Variants in LTBP1 observed in about 807,000 individuals in gnomAD.
The protein encoded by LTBP1 is latent-transforming growth factor beta-binding protein 1.
Under a neutral mutation model 207.6 loss-of-function variants are expected in LTBP1, and 129 were observed. The observed-to-expected ratio is 0.62, with a 90% CI of 0.54 to 0.72. The LOEUF (loss-of-function observed/expected upper bound fraction) is 0.72. Ranked by LOEUF, LTBP1 falls within the 30% of genes least tolerant of loss-of-function variation. The pLI is 0.00. For synonymous variants in LTBP1, 963 were observed against 833.7 expected (o/e 1.16, Z -2.67); for missense variants, 2,281 against 2,217.2 (o/e 1.03, Z -0.58).
At chr2:33,005,365 A>G (rs1686691705) in intron 2 of LTBP1, among the ~76,000 whole-genome samples, 1 of 152,156 alleles carries the variant, frequency 6.6e-6, no homozygotes, top group African/African-American at 2.4e-5. Flanking sequence ...TTGGGAGCTT[A>G]GCTGGGGTTG....
At chr2:33,012,432 C>G (rs1573082301) in intron 2 of LTBP1, among the ~76,000 whole-genome samples, 2 of 152,184 alleles carry the variant, frequency 1.3e-5, no homozygotes, top group African/African-American at 4.8e-5. Flanking sequence ...GGAAACAAAC[C>G]ATTTCTAAGA....
chr2:33,005,534 C>G (rs996763363), intron 2 of LTBP1, among the ~76,000 whole-genome samples: 2 of 151,644 alleles, frequency 1.3e-5, no homozygotes, highest in Admixed American at 6.6e-5. Flanking sequence ...TTCTGCATGT[C>G]ACTTTCAGAA....
chr2:33,221,389 C>G (rs2091090015), intron 8 of LTBP1, among the ~76,000 whole-genome samples: 1 of 152,204 alleles, frequency 6.6e-6, no homozygotes, highest in African/African-American at 2.4e-5. Context: ...TTGGCTGCAT[C>G]CGCTATGCCA....
chr2:33,344,107 A>G (rs2094669060), intron 25 of LTBP1, among the ~76,000 whole-genome samples: 1 of 152,234 alleles, frequency 6.6e-6, no homozygotes, highest in Non-Finnish European at 1.5e-5. Flanking sequence ...TGATAATGTC[A>G]CTTAATAACT....
chr2:33,114,253 C>G (rs1308726323), intron 4 of LTBP1, among the ~76,000 whole-genome samples: 2 of 152,184 alleles, frequency 1.3e-5, no homozygotes, highest in Non-Finnish European at 2.9e-5. Flanking sequence ...GATTGGCAAA[C>G]TTTTAGGGAG....
rs867956915 is a variant in LTBP1, at chr2:32,947,036, C to G, written c.-289C>G. 7.9e-6 allele frequency: 2 copies of G among 253,194 alleles called. No homozygotes were observed. The highest frequency in any genetic ancestry group is 4.5e-5 in the African/African-American group (2 of 44,386). 15.7% of individuals were successfully genotyped at this position (253,194 alleles called of 1,614,324 possible). ...GCGCGCTGCAACCCCCGGCCGGACG[C>G]GCGGACCCTCACCTTGCGCGGCCCG... On this transcript the variant is annotated 5_prime_UTR_variant, in exon 1 of 34. Transcript: ENST00000404816.
At chr2:33,362,414 C>T (rs908322519) in intron 28 of LTBP1, among the ~76,000 whole-genome samples, 1 of 152,018 alleles carries the variant, frequency 6.6e-6, no homozygotes, top group African/African-American at 2.4e-5. Flanking sequence ...GAATGGTTTC[C>T]AAATTCACAA....
chr2:33,166,250 A>G (rs1214658012), intron 5 of LTBP1, among the ~76,000 whole-genome samples: 1 of 152,186 alleles, frequency 6.6e-6, no homozygotes, highest in Non-Finnish European at 1.5e-5. Context: ...TTCATTCTGA[A>G]TTAAAACCTC....
chr2:33,092,041 A>T (rs914940704), intron 3 of LTBP1, among the ~76,000 whole-genome samples: 1 of 152,142 alleles, frequency 6.6e-6, no homozygotes, highest in Non-Finnish European at 1.5e-5. Flanking sequence ...TTTCATCTAC[A>T]AATTGTGAGG....
At chr2:32,959,591 G>A (rs1453096901) in intron 2 of LTBP1, among the ~76,000 whole-genome samples, 8 of 97,392 alleles carry the variant, frequency 8.2e-5, no homozygotes, top group Non-Finnish European at 1.6e-4. Flanking sequence ...GTATATATAT[G>A]TACGTGTATA....
At chr2:33,240,974 G>A (rs1173382360) in intron 9 of LTBP1, among the ~76,000 whole-genome samples, 5 of 152,070 alleles carry the variant, frequency 3.3e-5, no homozygotes, top group African/African-American at 1.2e-4. Context: ...TCACAATCTG[G>A]GTGGTGGTTA....
chr2:33,073,479 G>A lies in LTBP1; in HGVS notation c.864-37103G>A, dbSNP rs2077908960. Reference sequence around the variant, plus strand: ...GAGCCAAACAAAGTCAAGGTATTATGAGAACTGCAACGCTTTTTGAAGAAA... The same window carrying A: ...GAGCCAAACAAAGTCAAGGTATTATAAGAACTGCAACGCTTTTTGAAGAAA... On this transcript the variant is annotated intron_variant, in intron 3 of 33. Coordinates refer to ENST00000404816, the MANE Select transcript of LTBP1 (RefSeq NM_206943.4). 2.0e-5 allele frequency among the ~76,000 whole-genome samples: 3 copies of A among 152,078 alleles called. No individual in the cohort carries two copies. The South Asian group carries it at 6.2e-4, about 32-fold the overall frequency.
At chr2:32,959,621 A>ATATATATATTTTTTT (rs1475834284) in intron 2 of LTBP1, among the ~76,000 whole-genome samples, 1 of 36,668 alleles carries the variant, frequency 2.7e-5, no homozygotes, top group Non-Finnish European at 5.0e-5. Context: ...ATATATATAT[A>ATATATATATTTTTTT]TTTTTTTTTT....
chr2:33,010,071 A>G (rs72791749), intron 2 of LTBP1, among the ~76,000 whole-genome samples: 14,826 of 152,064 alleles, frequency 0.097, 962 homozygotes, highest in Non-Finnish European at 0.14. Flanking sequence ...GTGAAGTGGG[A>G]GAAGGCTGGC....
intron 2 of LTBP1, among the ~76,000 whole-genome samples, chr2:33,008,250 A>G (rs1051144306): frequency 6.6e-6 from 1 of 152,372 alleles, no homozygotes; most frequent in Non-Finnish European, 1.5e-5. Flanking sequence ...TATGTTAAGA[A>G]TAAGTTTCAA....
intron 2 of LTBP1, among the ~76,000 whole-genome samples, chr2:33,008,810 G>T (rs925320153): frequency 5.3e-5 from 8 of 152,224 alleles, no homozygotes; most frequent in African/African-American, 1.9e-4. Context: ...GTTTTGGGAA[G>T]GGCAGCCCCA....
At chr2:32,991,987 C>G (rs1254498558) in intron 2 of LTBP1, among the ~76,000 whole-genome samples, 3 of 152,176 alleles carry the variant, frequency 2.0e-5, no homozygotes, top group African/African-American at 7.2e-5. Context: ...GACACAAAAA[C>G]AGTCCTCCTG....
Position 33,201,191 on chromosome 2 carries a change from G to A in LTBP1, c.1701+12340G>A, listed in dbSNP as rs1029375033. Among the ~76,000 whole-genome samples, 247 of 152,148 alleles carry A rather than the reference G, an allele frequency of 1.6e-3. 2 individuals carry two copies. The highest frequency in any genetic ancestry group is 1.6e-3 in the Non-Finnish European group (106 of 68,016). ...ACACATGCACACGTATGTTTATTGC[G>A]GCAGTATTCACAATAGCAAAGACTT... is the stretch of plus-strand genomic sequence containing the variant. On this transcript the variant is annotated intron_variant, in intron 7 of 33. Transcript: ENST00000404816.
intron 7 of LTBP1, among the ~76,000 whole-genome samples, chr2:33,191,517 T>A (rs1401685480): frequency 3.9e-5 from 6 of 152,218 alleles, no homozygotes; most frequent in Non-Finnish European, 8.8e-5. Flanking sequence ...TGTTGCTGGA[T>A]GCTAAAGACT....
Sources: allele counts gnomAD v4.1 joint callset (sites outside exome capture counted in the v4.1 genomes callset), GRCh38; gene constraint gnomAD v4.1.1; transcripts MANE v1.5; gene names NCBI Gene and HGNC (gene_info 2026-07-23, HGNC 2026-07-21).